Variants in EXOC4 observed in about 807,000 individuals in gnomAD.
EXOC4 encodes the protein SEC8-like 1.
EXOC4 carries 71 observed loss-of-function variants against 107.2 expected under a neutral mutation model. The observed-to-expected ratio is 0.66, with a 90% CI of 0.55 to 0.81. The LOEUF (loss-of-function observed/expected upper bound fraction) is 0.81, where lower values mean the gene tolerates loss of function less well. Among genes scored for constraint, EXOC4 ranks in the 30% least tolerant of loss-of-function variants. EXOC4 has a pLI of 0.00. For missense variants in EXOC4, 1,108 were observed against 1,189.6 expected (o/e 0.93, Z 1.01); for synonymous variants, 456 against 441.2 (o/e 1.03, Z -0.42).
intron 14 of EXOC4, among the ~76,000 whole-genome samples, chr7:133,941,923 T>A (rs538211437): frequency 3.4e-4 from 51 of 152,010 alleles, no homozygotes; most frequent in African/African-American, 1.1e-3. Flanking sequence ...CAAATAATGC[T>A]GGCTCTTTGT....
intron 10 of EXOC4, among the ~76,000 whole-genome samples, chr7:133,710,979 A>T (rs1218152986): frequency 6.6e-6 from 1 of 152,076 alleles, no homozygotes; most frequent in Non-Finnish European, 1.5e-5. Context: ...GATTTTGAGC[A>T]CAGTATTGGT....
chr7:133,486,409 T>C (rs1799270641), intron 9 of EXOC4, among the ~76,000 whole-genome samples: 1 of 152,208 alleles, frequency 6.6e-6, no homozygotes, highest in African/African-American at 2.4e-5. Flanking sequence ...ATTTCACTTT[T>C]GCACACATTT....
At chr7:133,421,713 T>C (rs1013180721) in intron 7 of EXOC4, among the ~76,000 whole-genome samples, 1 of 152,188 alleles carries the variant, frequency 6.6e-6, no homozygotes, top group African/African-American at 2.4e-5. Context: ...TTGTTTTCTG[T>C]TACTTTCAAC....
intron 9 of EXOC4, among the ~76,000 whole-genome samples, chr7:133,504,329 T>C (rs1799629290): frequency 6.6e-6 from 1 of 152,086 alleles, no homozygotes; most frequent in Non-Finnish European, 1.5e-5. Flanking sequence ...TTTAGTGGAG[T>C]AGAAAAACAG....
At chr7:134,007,915 T>A in intron 17 of EXOC4, 80 bp downstream of exon 17, 2 of 1,295,524 alleles carry the variant, frequency 1.5e-6, no homozygotes, top group Non-Finnish European at 2.1e-6. Context: ...AAAAATAGAC[T>A]CTTGGTGCAG....
chr7:133,661,323 C>G (rs1019874476), intron 10 of EXOC4, among the ~76,000 whole-genome samples: 2 of 152,118 alleles, frequency 1.3e-5, no homozygotes, highest in Admixed American at 6.6e-5. Context: ...ACACATCTTA[C>G]TGTGCGAGGT....
At chr7:133,324,615 G>C (rs560468420) in intron 5 of EXOC4, among the ~76,000 whole-genome samples, 1 of 152,210 alleles carries the variant, frequency 6.6e-6, no homozygotes, top group Non-Finnish European at 1.5e-5. Context: ...TTGCTGAGGA[G>C]TGCTTTACTT....
At position 133,496,791 on chromosome 7, in the gene EXOC4, G is replaced by A. The variant is rs538715395; in HGVS notation, c.1417+16653G>A. Among the ~76,000 whole-genome samples the A allele has an allele frequency of 2.0e-3, 309 of 152,074 alleles. 4 individuals are homozygous for A. Among genetic ancestry groups the A allele is most frequent in the African/African-American group, 7.2e-3 (298 of 41,504 alleles). On this transcript the variant is annotated intron_variant, in intron 9 of 17. Transcript: ENST00000253861. ...ATTTATAATTTTTCCCCTTTGGGTG[G>A]TATCCATGATTCTGACAGACTGTCA... is the stretch of plus-strand genomic sequence containing the variant.
In EXOC4 at chr7:133,303,242, G is replaced by A. The variant is rs926186294; in HGVS notation, c.472-2635G>A. Among the ~76,000 whole-genome samples the A allele has an allele frequency of 1.8e-4, 27 of 152,152 alleles. 1 individual carries two copies. Among genetic ancestry groups the A allele is most frequent in the African/African-American group, 6.3e-4 (26 of 41,430 alleles). ...AAGGTCAGGAGTTTGAGACCAGCCT[G>A]GCCAACATGGTGAAACTCTGTCTTT... On this transcript the variant is annotated intron_variant, in intron 3 of 17. Coordinates refer to ENST00000253861, the MANE Select transcript of EXOC4 (RefSeq NM_021807.4).
intron 9 of EXOC4, among the ~76,000 whole-genome samples, chr7:133,511,448 C>G (rs1348555175): frequency 6.6e-6 from 1 of 152,176 alleles, no homozygotes. Flanking sequence ...AGTGTTCTCT[C>G]TGTCTCTGGT....
chr7:133,593,939 T>G (rs948515112), intron 9 of EXOC4, among the ~76,000 whole-genome samples: 1 of 152,202 alleles, frequency 6.6e-6, no homozygotes, highest in Non-Finnish European at 1.5e-5. Context: ...AAAGTTTAAT[T>G]ATTTTTAAAG....
intron 9 of EXOC4, among the ~76,000 whole-genome samples, chr7:133,590,266 A>G (rs1801510311): frequency 6.6e-6 from 1 of 151,618 alleles, no homozygotes; most frequent in African/African-American, 2.4e-5. Context: ...GCTTCACTAT[A>G]TTTTTTTTCT....
chr7:134,072,544 G>A, the EXOC4 span, among the ~76,000 whole-genome samples: 5 of 152,126 alleles, frequency 3.3e-5, no homozygotes, highest in East Asian at 1.9e-4. Flanking sequence ...AATGGCCAGG[G>A]GAGGTCAGAG....
At chr7:133,623,100 T>C (rs1241193527) in intron 9 of EXOC4, among the ~76,000 whole-genome samples, 1 of 152,202 alleles carries the variant, frequency 6.6e-6, no homozygotes, top group Non-Finnish European at 1.5e-5. Flanking sequence ...TCTTAGTAGA[T>C]GTTTGGTAAA....
intron 10 of EXOC4, among the ~76,000 whole-genome samples, chr7:133,636,671 G>C (rs531913900): frequency 1.3e-5 from 2 of 152,302 alleles, no homozygotes; most frequent in East Asian, 3.9e-4. Context: ...TGGTTCTGTT[G>C]AACACTGCTG....
At chr7:133,443,213 C>G (rs142553083) in intron 7 of EXOC4, among the ~76,000 whole-genome samples, 8 of 152,256 alleles carry the variant, frequency 5.3e-5, no homozygotes, top group African/African-American at 1.7e-4. Context: ...GAGGCTAGAC[C>G]TCACATGGGT....
intron 11 of EXOC4, among the ~76,000 whole-genome samples, chr7:133,885,744 G>C (rs1585223056): frequency 6.6e-6 from 1 of 152,152 alleles, no homozygotes; most frequent in African/African-American, 2.4e-5. Context: ...GAGGCACAAA[G>C]GCACAGAGGC....
intron 11 of EXOC4, among the ~76,000 whole-genome samples, chr7:133,862,730 A>T (rs1391198212): frequency 1.3e-5 from 2 of 152,170 alleles, no homozygotes; most frequent in African/African-American, 4.8e-5. Flanking sequence ...ATACATATAC[A>T]TGCATACATA....
rs564289077 is a variant in EXOC4, at chr7:133,553,558, A to T, written c.1417+73420A>T. 4.9e-4 allele frequency among the ~76,000 whole-genome samples: 75 copies of T among 152,162 alleles called. 3 individuals are homozygous for T. In the South Asian group the frequency reaches 0.015, roughly 31 times the overall value. ...GCATGTGCTGTTATTTCTACCTAAA[A>T]TCCTTTCTCCCTTCTAACCTCATAA... On this transcript the variant is annotated intron_variant, in intron 9 of 17. Transcript: ENST00000253861.
Sources: allele counts gnomAD v4.1 joint callset (sites outside exome capture counted in the v4.1 genomes callset), GRCh38; gene constraint gnomAD v4.1.1; transcripts MANE v1.5; gene names NCBI Gene and HGNC (gene_info 2026-07-23, HGNC 2026-07-21).